PTPRR: variants seen among roughly 807,000 people sequenced by gnomAD.
PTPRR encodes the protein receptor-type tyrosine-protein phosphatase R.
A neutral mutation model predicts 77.2 loss-of-function variants in PTPRR; 38 were observed. That is an observed-to-expected ratio of 0.49 (90% confidence interval 0.38 to 0.65). The LOEUF (loss-of-function observed/expected upper bound fraction) is 0.65, where lower values mean the gene tolerates loss of function less well. Ranked by LOEUF, PTPRR falls within the 30% of genes least tolerant of loss-of-function variation. PTPRR has a pLI of 0.00. For synonymous variants in PTPRR, 299 were observed against 283.1 expected (o/e 1.06, Z -0.57); for missense variants, 744 against 799.2 (o/e 0.93, Z 0.83).
chr12:70,702,178 G>C (rs917995434), intron 6 of PTPRR, among the ~76,000 whole-genome samples: 3 of 152,024 alleles, frequency 2.0e-5, no homozygotes, highest in African/African-American at 4.8e-5. Context: ...TTTCCCGCTG[G>C]GGGGCAAGGG....
chr12:70,795,586 A>G (rs970557302), intron 2 of PTPRR, among the ~76,000 whole-genome samples: 13 of 152,190 alleles, frequency 8.5e-5, no homozygotes, highest in Non-Finnish European at 1.8e-4. Context: ...TATACAGTCC[A>G]TTAGAGTTTG....
intron 5 of PTPRR, 91 bp downstream of exon 5, chr12:70,754,100 G>A: frequency 8.3e-7 from 1 of 1,208,634 alleles, no homozygotes; most frequent in South Asian, 1.4e-5. Flanking sequence ...CTGCTCGGAA[G>A]CATTTTAACA....
chr12:70,819,897 C>G (rs1891974311), intron 2 of PTPRR, among the ~76,000 whole-genome samples: 1 of 151,980 alleles, frequency 6.6e-6, no homozygotes, highest in Non-Finnish European at 1.5e-5. Flanking sequence ...TAAACTACAG[C>G]TATGAAGAGA....
chr12:70,720,854 A>G (rs1313680987), intron 6 of PTPRR, among the ~76,000 whole-genome samples: 2 of 152,128 alleles, frequency 1.3e-5, no homozygotes, highest in African/African-American at 4.8e-5. Context: ...TGCTTGATAC[A>G]TAATCTTATT....
At chr12:70,715,357 A>G (rs1247108757) in intron 6 of PTPRR, among the ~76,000 whole-genome samples, 1 of 152,172 alleles carries the variant, frequency 6.6e-6, no homozygotes, top group Non-Finnish European at 1.5e-5. Flanking sequence ...TCACGAGACC[A>G]CAGGACTACA....
At chr12:70,879,663 T>C (rs368259129) in intron 2 of PTPRR, among the ~76,000 whole-genome samples, 139 of 152,326 alleles carry the variant, frequency 9.1e-4, no homozygotes, top group African/African-American at 3.2e-3. Context: ...AGTTTCTTTT[T>C]TTCATGCTCA....
intron 2 of PTPRR, among the ~76,000 whole-genome samples, chr12:70,850,485 C>T (rs569782568): frequency 6.6e-6 from 1 of 152,192 alleles, no homozygotes; most frequent in Non-Finnish European, 1.5e-5. Flanking sequence ...GACTACCTAC[C>T]TCATTAGTGA....
intron 2 of PTPRR, among the ~76,000 whole-genome samples, chr12:70,881,010 GA>G (rs1893141029): frequency 6.6e-6 from 1 of 152,062 alleles, no homozygotes; most frequent in South Asian, 2.1e-4. Flanking sequence ...CACACACAAT[GA>G]CTGCTGATTT....
At chr12:70,691,351 C>T (rs868745663) in intron 8 of PTPRR, among the ~76,000 whole-genome samples, 5 of 152,142 alleles carry the variant, frequency 3.3e-5, no homozygotes, top group African/African-American at 7.2e-5. Context: ...TGGGACACAA[C>T]GTTCTGGTTT....
intron 6 of PTPRR, among the ~76,000 whole-genome samples, chr12:70,711,571 T>G (rs963213295): frequency 6.6e-6 from 1 of 152,036 alleles, no homozygotes; most frequent in African/African-American, 2.4e-5. Context: ...TGACACAAGT[T>G]TATCTACGTA....
At chr12:70,683,785 A>G (rs1203876400) in intron 10 of PTPRR, among the ~76,000 whole-genome samples, 1 of 152,238 alleles carries the variant, frequency 6.6e-6, no homozygotes, top group African/African-American at 2.4e-5. Context: ...CAATGACTAC[A>G]GTAGTACCTG....
At chr12:70,722,954 T>G (rs1889311510) in intron 6 of PTPRR, among the ~76,000 whole-genome samples, 1 of 152,178 alleles carries the variant, frequency 6.6e-6, no homozygotes, top group African/African-American at 2.4e-5. Context: ...CTTGGCAGCA[T>G]TTATATTTAG....
At chr12:70,919,673 GTTTTTTTTTTTTTTTTTT>G (rs58439089) in intron 1 of PTPRR, among the ~76,000 whole-genome samples, 12 of 110,084 alleles carry the variant, frequency 1.1e-4, no homozygotes, top group Non-Finnish European at 1.1e-4. Flanking sequence ...AACTGTAATT[GTTTTTTTTTTTTTTTTTT>G]TTTTTTTTTT....
At chr12:70,884,063 A>G (rs12297391) in intron 2 of PTPRR, among the ~76,000 whole-genome samples, 18,534 of 152,162 alleles carry the variant, frequency 0.12, 2,092 homozygotes, top group African/African-American at 0.3. Context: ...TCACATTCCA[A>G]TTGTAGACTA....
At chr12:70,668,983 G>C (rs1887113619) in intron 10 of PTPRR, among the ~76,000 whole-genome samples, 1 of 152,012 alleles carries the variant, frequency 6.6e-6, no homozygotes, top group Non-Finnish European at 1.5e-5. Context: ...CAATAAATTG[G>C]AAACAATTTA....
intron 2 of PTPRR, among the ~76,000 whole-genome samples, chr12:70,789,479 G>A (rs1891387053): frequency 6.6e-6 from 1 of 152,032 alleles, no homozygotes; most frequent in Admixed American, 6.6e-5. Flanking sequence ...CAGAGGCAAA[G>A]TAACTAATCT....
intron 2 of PTPRR, among the ~76,000 whole-genome samples, chr12:70,840,971 C>CT (rs35818832): frequency 0.24 from 31,642 of 133,100 alleles, 4,179 homozygotes; most frequent in East Asian, 0.41. Flanking sequence ...GTTTTTATGG[C>CT]TTTTTTTTTT....
intron 2 of PTPRR, among the ~76,000 whole-genome samples, chr12:70,778,069 C>G (rs1273371817): frequency 6.6e-6 from 1 of 152,146 alleles, no homozygotes; most frequent in Admixed American, 6.6e-5. Flanking sequence ...GGTTTCATTT[C>G]AAATCGCTTC....
At chr12:70,742,302 AG>A (rs1188033266) in intron 6 of PTPRR, among the ~76,000 whole-genome samples, 3 of 152,218 alleles carry the variant, frequency 2.0e-5, no homozygotes, top group Non-Finnish European at 4.4e-5. Flanking sequence ...AAAAAAGCTT[AG>A]GTTGAGTTAC....
Sources: gnomAD v4.1 joint callset for allele counts (sites outside exome capture counted in the v4.1 genomes callset) on GRCh38, gnomAD v4.1.1 for gene constraint, MANE v1.5 for transcripts, NCBI Gene and HGNC (gene_info 2026-07-23, HGNC 2026-07-21) for gene names.